ANKRD7: variants seen among roughly 807,000 people sequenced by gnomAD.
ANKRD7 encodes the protein ankyrin repeat domain-containing protein 7.
A neutral mutation model predicts 30.8 loss-of-function variants in ANKRD7; 30 were observed. The observed-to-expected ratio is 0.97, with a 90% CI of 0.73 to 1.32. The LOEUF (loss-of-function observed/expected upper bound fraction) is 1.32, where lower values mean the gene tolerates loss of function less well. Among genes scored for constraint, ANKRD7 ranks in the 40% most tolerant of loss-of-function variants. The probability of loss-of-function intolerance (pLI) is 0.00; values close to 1 mark genes in which losing one functional copy is unlikely to be tolerated. For missense variants in ANKRD7, 264 were observed against 295.7 expected (o/e 0.89, Z 0.79); for synonymous variants, 97 against 106.6 (o/e 0.91, Z 0.55).
chr7:118,241,176 A>G (rs1809833934), intron 6 of ANKRD7, among the ~76,000 whole-genome samples: 1 of 150,516 alleles, frequency 6.6e-6, no homozygotes, highest in Non-Finnish European at 1.5e-5. Flanking sequence ...AAAAAAAAAA[A>G]AAAAAAAAAA....
chr7:118,229,080 T>G (rs919749148), intron 1 of ANKRD7, among the ~76,000 whole-genome samples: 1 of 152,136 alleles, frequency 6.6e-6, no homozygotes, highest in Non-Finnish European at 1.5e-5. Context: ...CTTCCTTTCA[T>G]TCATTTACAT....
At chr7:118,234,319 T>C (rs1169948228) in intron 1 of ANKRD7, 112 bp from the exon 2 acceptor site, 5 of 527,740 alleles carry the variant, frequency 9.5e-6, no homozygotes, top group African/African-American at 1.9e-5. Context: ...TAGAAATATG[T>C]GCATGAAGCA....
At chr7:118,227,663 AT>A (rs1468848874) in intron 1 of ANKRD7, among the ~76,000 whole-genome samples, 1 of 152,174 alleles carries the variant, frequency 6.6e-6, no homozygotes, top group Non-Finnish European at 1.5e-5. Flanking sequence ...CCTCAATTAC[AT>A]AATATCTTCA....
intron 3 of ANKRD7, 81 bp downstream of exon 3, chr7:118,234,955 AAT>A (rs1367124890): frequency 2.5e-6 from 3 of 1,216,638 alleles, no homozygotes; most frequent in Non-Finnish European, 3.3e-6. Flanking sequence ...TCTATGTTGA[AAT>A]ATATGTTATA....
At chr7:118,241,376 G>A (rs909602095) in intron 6 of ANKRD7, among the ~76,000 whole-genome samples, 35 of 151,434 alleles carry the variant, frequency 2.3e-4, no homozygotes, top group Admixed American at 1.1e-3. Context: ...GGAGTGTGGA[G>A]GCAATAGAAG....
At chr7:118,236,562 A>G (rs1422211327) in intron 4 of ANKRD7, among the ~76,000 whole-genome samples, 1 of 152,168 alleles carries the variant, frequency 6.6e-6, no homozygotes, top group Non-Finnish European at 1.5e-5. Flanking sequence ...AAGAGATTGA[A>G]AATGATTGAG....
At chr7:118,235,466 G>A (rs1809711953) in intron 3 of ANKRD7, among the ~76,000 whole-genome samples, 1 of 152,024 alleles carries the variant, frequency 6.6e-6, no homozygotes, top group Non-Finnish European at 1.5e-5. Flanking sequence ...CAAAAAATTA[G>A]CTGGTCGTCG....
intron 1 of ANKRD7, among the ~76,000 whole-genome samples, chr7:118,229,835 A>G (rs965148615): frequency 1.3e-5 from 2 of 152,264 alleles, no homozygotes; most frequent in African/African-American, 4.8e-5. Flanking sequence ...ATTCAACACA[A>G]TCAAGTGGGT....
intron 3 of ANKRD7, among the ~76,000 whole-genome samples, chr7:118,235,100 A>G (rs200570821): frequency 6.6e-6 from 1 of 152,174 alleles, no homozygotes; most frequent in East Asian, 1.9e-4. Flanking sequence ...AAGAAACACT[A>G]TATTTAACAA....
At chr7:118,231,635 T>C (rs1364024594) in intron 1 of ANKRD7, among the ~76,000 whole-genome samples, 1 of 152,158 alleles carries the variant, frequency 6.6e-6, no homozygotes, top group Non-Finnish European at 1.5e-5. Flanking sequence ...GTACTCTGTC[T>C]AGCAGATAAC....
In ANKRD7 at chr7:118,236,084, C is replaced by T; in HGVS notation, c.512C>T (p.Pro171Leu). The change falls in exon 4 of 7, where the codon CCA becomes CTA. Residue 171 changes from proline (P) to leucine (L), a missense_variant. Transcript: ENST00000265224. ...TTAGTTGCCGTTATTAACAATAATC[C>T]AAAAATGGTAAAATTTCTTCTGGAG... Reference protein sequence around the residue: ...PLLVAVINNNPKMVKFLLEKG... With the variant: ...PLLVAVINNNLKMVKFLLEKG... 6.2e-7 allele frequency: 1 copy of T among 1,606,632 alleles called. No individual in the cohort carries two copies.
intron 2 of ANKRD7, 71 bp from the exon 3 acceptor site, chr7:118,234,630 A>G: frequency 6.4e-7 from 1 of 1,552,128 alleles, no homozygotes; most frequent in Non-Finnish European, 8.7e-7. Flanking sequence ...TTTAAAACAT[A>G]GTATCAAACA....
rs4730839 is a variant in ANKRD7, at chr7:118,240,471, C to T, written c.*37+473C>T. 5.3e-5 allele frequency among the ~76,000 whole-genome samples: 8 copies of T among 152,062 alleles called. No individual in the cohort carries two copies. The South Asian group carries it at 1.2e-3, about 24-fold the overall frequency. On this transcript the variant is annotated intron_variant, in intron 6 of 6. Transcript: ENST00000265224. ...AATGATGTTTTCCAATTTCATCCATCTCCCTACAAAGGACATGAACTCATC... is the reference window on the plus strand; with the variant it reads ...AATGATGTTTTCCAATTTCATCCATTTCCCTACAAAGGACATGAACTCATC...
chr7:118,233,466 A>G (rs1234868817), intron 1 of ANKRD7, among the ~76,000 whole-genome samples: 1 of 151,514 alleles, frequency 6.6e-6, no homozygotes, highest in Non-Finnish European at 1.5e-5. Flanking sequence ...CTGTTTTTAT[A>G]TTTTCTTGGT....
At chr7:118,237,593 T>A (rs912625559) in intron 5 of ANKRD7, among the ~76,000 whole-genome samples, 49 of 152,110 alleles carry the variant, frequency 3.2e-4, no homozygotes, top group Non-Finnish European at 6.2e-4. Flanking sequence ...TAAGTAGGTA[T>A]TTTTTCAGTT....
chr7:118,238,515 C>G (rs1226603097), intron 5 of ANKRD7, among the ~76,000 whole-genome samples: 1 of 152,080 alleles, frequency 6.6e-6, no homozygotes, highest in Admixed American at 6.5e-5. Context: ...GTAGCTGTTG[C>G]CTATGTAACG....
rs1025924052 is a variant in ANKRD7, at chr7:118,224,713, A to G, written c.-118A>G. On this transcript the variant is annotated 5_prime_UTR_variant, in exon 1 of 7. Coordinates refer to ENST00000265224, the MANE Select transcript of ANKRD7 (RefSeq NM_019644.4). ...TGCGCGAGGCCCTTCCAGCATTTCC[A>G]CTTTCGTCAGGTACTGGAGAGGGCT... is the stretch of plus-strand genomic sequence containing the variant. 4.3e-5 allele frequency: 64 copies of G among 1,504,476 alleles called. No homozygotes were observed. Among genetic ancestry groups the G allele is most frequent in the Non-Finnish European group, 5.2e-5 (59 of 1,129,862 alleles). 93.2% of individuals were successfully genotyped at this position (1,504,476 alleles called of 1,614,324 possible). A position where few individuals can be genotyped will look rare whatever the true frequency, so the allele number is the denominator to read the frequency against.
intron 1 of ANKRD7, among the ~76,000 whole-genome samples, chr7:118,230,959 A>T (rs1809627291): frequency 6.6e-6 from 1 of 152,034 alleles, no homozygotes; most frequent in Admixed American, 6.6e-5. Flanking sequence ...AAAAAAAATG[A>T]TACTGAAAAT....
intron 6 of ANKRD7, among the ~76,000 whole-genome samples, chr7:118,241,479 A>G (rs763646186): frequency 3.0e-4 from 44 of 147,436 alleles, no homozygotes; most frequent in Non-Finnish European, 6.4e-4. Context: ...GGTCCTATCA[A>G]TTCCAGGTGA....
Sources: gnomAD v4.1 joint callset for allele counts (sites outside exome capture counted in the v4.1 genomes callset) on GRCh38, gnomAD v4.1.1 for gene constraint, MANE v1.5 for transcripts, NCBI Gene and HGNC (gene_info 2026-07-23, HGNC 2026-07-21) for gene names.